ARHGEF40: variants seen among roughly 807,000 people sequenced by gnomAD.
ARHGEF40 encodes Rho guanine nucleotide exchange factor 40.
In ARHGEF40, 98 loss-of-function variants were observed where a neutral mutation model predicts 165.9. The ratio of observed to expected loss-of-function variants is 0.59; its 90% CI spans 0.50 to 0.70. The LOEUF is 0.70. Among genes scored for constraint, ARHGEF40 ranks in the 30% least tolerant of loss-of-function variants. ARHGEF40 has a pLI of 0.00. For synonymous variants in ARHGEF40, 792 were observed against 814.3 expected (o/e 0.97, Z 0.47); for missense variants, 1,815 against 1,968.0 (o/e 0.92, Z 1.47).
At position 21,082,015 on chromosome 14, in the gene ARHGEF40, C is replaced by A; in HGVS notation, c.3147C>A (p.Asp1049Glu). ...AGGTCACCAGCACTGAGGTGGTAGA[C>A]AGGACGTGCTCACCACGGGAACACG... is the stretch of plus-strand genomic sequence containing the variant. ...GLEVTSTEVV[D>E]RTCSPREHVL... The change falls in exon 14 of 24, where the codon GAC becomes GAA. Residue 1049 changes from aspartate to glutamate, a missense_variant. Physicochemically the swap from Asp to Glu is conservative, Grantham distance 45. Transcript: ENST00000298694. 6.4e-7 allele frequency: 1 copy of A among 1,572,716 alleles called. No homozygotes were observed. The highest frequency in any genetic ancestry group is 1.9e-5 in the Admixed American group (1 of 53,426).
At chr14:21,088,926 G>A (rs578009375) in intron 23 of ARHGEF40, 50 bp downstream of exon 23, 1 of 1,571,898 alleles carries the variant, frequency 6.4e-7, no homozygotes, top group Admixed American at 1.7e-5. Context: ...CTACCATCTT[G>A]CATGTACCTT....
chr14:21,067,792 G>A (rs113613240), upstream of ARHGEF40, among the ~76,000 whole-genome samples: 10 of 147,884 alleles, frequency 6.8e-5, no homozygotes, highest in African/African-American at 2.5e-4. Flanking sequence ...ACACTTTTAG[G>A]TAAGAGCCTG....
Position 21,075,445 on chromosome 14 carries a change from G to C in ARHGEF40, c.1564G>C (p.Asp522His), listed in dbSNP as rs1482640402. ...AGAGGCCCTTGCAGTCTCCGTCTCT[G>C]ATCACCCTGATGTAGCTTGGGACTT... ...PEEALAVSVS[D>H]HPDVAWDLMA... is the part of the protein sequence containing the mutation. Residue 522 changes from aspartate to histidine, a missense_variant, in exon 4 of 24, where the codon GAT becomes CAT. Asp to His is a moderately conservative substitution (Grantham distance 81). Transcript: ENST00000298694. This position sits in a 1 kb window ranked among gnomAD's most constrained non-coding sequence, Gnocchi z 4.5. 2.5e-6 allele frequency: 4 copies of C among 1,614,128 alleles called. No individual in the cohort carries two copies. The highest frequency in any genetic ancestry group is 2.2e-5 in the South Asian group (2 of 91,092).
At chr14:21,082,151 C>T (rs753984743) in intron 14 of ARHGEF40, 32 bp downstream of exon 14, 18 of 1,560,684 alleles carry the variant, frequency 1.2e-5, no homozygotes, top group Admixed American at 7.5e-5. Context: ...TGCTAAGAGG[C>T]GGAGCCAACT....
chr14:21,076,429 A>T lies in ARHGEF40; in HGVS notation c.1809A>T (p.Ala603=), dbSNP rs759118363. 1.1e-5 allele frequency: 18 copies of T among 1,613,672 alleles called. No individual in the cohort carries two copies. The highest frequency in any genetic ancestry group is 1.0e-4 in the Admixed American group (6 of 60,010). ...DLRQAPPLPP[A]LIPALSQLQD... ...GTCAGGCACCTCCACTGCCTCCAGC[A>T]CTCATTCCTGCCTTGAGCCAACTTC... Residue 603 remains alanine (A), a synonymous_variant, in exon 6 of 24, where the codon GCA becomes GCT. Transcript: ENST00000298694.
upstream of ARHGEF40, among the ~76,000 whole-genome samples, chr14:21,066,893 A>AT (rs1034949014): frequency 2.0e-5 from 3 of 152,224 alleles, no homozygotes; most frequent in Non-Finnish European, 4.4e-5. Context: ...TATCACACAG[A>AT]TTTTTTACCC....
Position 21,070,730 on chromosome 14 carries a change from C to G in ARHGEF40, c.3+331C>G. 1.5e-6 allele frequency: 2 copies of G among 1,340,786 alleles called. No homozygotes were observed. The highest frequency in any genetic ancestry group is 2.1e-6 in the Non-Finnish European group (2 of 975,310). The allele number at this position is 1,340,786 out of a possible 1,614,324, so 83.1% of individuals were successfully genotyped here. A position where few individuals can be genotyped will look rare whatever the true frequency, so the allele number is the denominator to read the frequency against. Reference sequence around the variant, plus strand: ...CCTTCCTTTCCTGGAGCTTCCCTCCCCCTCCTGGTCCGAGCTCCTTACCCG... The same window carrying G: ...CCTTCCTTTCCTGGAGCTTCCCTCCGCCTCCTGGTCCGAGCTCCTTACCCG... On this transcript the variant is annotated intron_variant, in intron 1 of 23. Coordinates refer to ENST00000298694, the MANE Select transcript of ARHGEF40 (RefSeq NM_018071.5). This position sits in a 1 kb window ranked among gnomAD's most constrained non-coding sequence, Gnocchi z 4.7.
rs756279101 is a variant in ARHGEF40 at position 21,075,156 on chromosome 14, G to A, written c.1426G>A (p.Gly476Arg). 3 of 1,605,984 alleles carry A rather than the reference G, an allele frequency of 1.9e-6. No individual in the cohort carries two copies. The highest frequency in any genetic ancestry group is 2.5e-6 in the Non-Finnish European group (3 of 1,177,120). ...EEGAGERELE[G>R]PGLLCMAGHT... ...GGGGGCCGGAGAGAGAGAGCTGGAG[G>A]GGCCAGGCCTGCTGTGTATGGCAGG... Residue 476 changes from glycine to arginine, a missense_variant, in exon 3 of 24, where the codon GGG (glycine) becomes AGG (arginine). Coordinates refer to ENST00000298694, the MANE Select transcript of ARHGEF40 (RefSeq NM_018071.5). The surrounding 1 kb of genome is among the most constrained non-coding windows in gnomAD (Gnocchi z 4.5).
Position 21,082,017 on chromosome 14 carries a change from G to C in ARHGEF40, c.3149G>C (p.Arg1050Thr), listed in dbSNP as rs755457934. The C allele has an allele frequency of 7.0e-6, 11 of 1,571,994 alleles. No individual in the cohort carries two copies. In the South Asian group the frequency reaches 1.3e-4, roughly 18 times the overall value. The change falls in exon 14 of 24, where the codon AGG becomes ACG. Residue 1050 changes from arginine to threonine, a missense_variant. Coordinates refer to ENST00000298694, the MANE Select transcript of ARHGEF40 (RefSeq NM_018071.5). ...GTCACCAGCACTGAGGTGGTAGACA[G>C]GACGTGCTCACCACGGGAACACGTG... ...LEVTSTEVVD[R>T]TCSPREHVLL...
rs1351602471 is a variant in ARHGEF40, at chr14:21,074,206, C to T, written c.476C>T (p.Thr159Ile). 1 of 1,614,162 alleles carries T rather than the reference C, an allele frequency of 6.2e-7. No homozygotes were observed. The highest frequency in any genetic ancestry group is 1.3e-5 in the African/African-American group (1 of 75,060). Residue 159 changes from threonine to isoleucine, a missense_variant, in exon 3 of 24, where the codon ACA becomes ATA. By Grantham distance (89) the Thr-to-Ile change is moderately conservative. Coordinates refer to ENST00000298694, the MANE Select transcript of ARHGEF40 (RefSeq NM_018071.5). This position sits in a 1 kb window ranked among gnomAD's most constrained non-coding sequence, Gnocchi z 4.8. ...WLQGINKDRP[T>I]GRLSTCLLSA... is the part of the protein sequence containing the mutation. ...CAAGGCATCAACAAGGACCGGCCAA[C>T]AGGTCGCCTCAGTACCTGCCTACTG...
rs770430251 is a variant in ARHGEF40 at position 21,075,377 on chromosome 14, C to T, written c.1496C>T (p.Pro499Leu). Residue 499 changes from proline to leucine, a missense_variant, in exon 4 of 24, where the codon CCG becomes CTG. Physicochemically the swap from Pro to Leu is moderately conservative, Grantham distance 98. Coordinates refer to ENST00000298694, the MANE Select transcript of ARHGEF40 (RefSeq NM_018071.5). The surrounding 1 kb of genome is among the most constrained non-coding windows in gnomAD (Gnocchi z 4.5). ...EGPLSDTPTP[P>L]LETVQEGKGD... is the part of the protein sequence containing the mutation. ...CCCCTGTCTGACACTCCAACACCTC[C>T]GCTGGAGACTGTGCAGGAAGGAAAA... 1.5e-5 allele frequency: 24 copies of T among 1,614,164 alleles called. No individual in the cohort carries two copies. Among genetic ancestry groups the T allele is most frequent in the Non-Finnish European group, 1.9e-5 (22 of 1,180,034 alleles).
At position 21,070,312 on chromosome 14, in the gene ARHGEF40, C is replaced by A; in HGVS notation, c.-85C>A. ...GGAGCTGTCCCTTAGCCAGACCCGG[C>A]GAGACACGAGCGGCGGGAGGGAGGC... is the stretch of plus-strand genomic sequence containing the variant. On this transcript the variant is annotated 5_prime_UTR_variant, in exon 1 of 24. Coordinates refer to ENST00000298694, the MANE Select transcript of ARHGEF40 (RefSeq NM_018071.5). This position sits in a 1 kb window ranked among gnomAD's most constrained non-coding sequence, Gnocchi z 4.7. 7.3e-7 allele frequency: 1 copy of A among 1,370,010 alleles called. No homozygotes were observed. The highest frequency in any genetic ancestry group is 9.4e-7 in the Non-Finnish European group (1 of 1,060,250). The allele number at this position is 1,370,010 out of a possible 1,614,324, so 84.9% of individuals were successfully genotyped here.
chr14:21,075,715 C>T lies in ARHGEF40; in HGVS notation c.1689C>T (p.Pro563=). The change falls in exon 5 of 24, where the codon CCC becomes CCT. Residue 563 remains proline (P), a synonymous_variant. Coordinates refer to ENST00000298694, the MANE Select transcript of ARHGEF40 (RefSeq NM_018071.5). The surrounding 1 kb of genome is among the most constrained non-coding windows in gnomAD (Gnocchi z 4.5). ...TPPCPPEEPP[P]SRDTLNTTLH... is the part of the protein sequence containing the mutation. Reference sequence around the variant, plus strand: ...CGTGCCCTCCTGAGGAGCCCCCACCCTCCCGAGACACGCTGAACACAACTC... The same window carrying T: ...CGTGCCCTCCTGAGGAGCCCCCACCTTCCCGAGACACGCTGAACACAACTC... 6.2e-7 allele frequency: 1 copy of T among 1,613,824 alleles called. No individual in the cohort carries two copies. Among genetic ancestry groups the T allele is most frequent in the Non-Finnish European group, 8.5e-7 (1 of 1,180,004 alleles).
intron 17 of ARHGEF40, among the ~76,000 whole-genome samples, chr14:21,084,446 T>TCC (rs1376114068): frequency 6.6e-6 from 1 of 152,224 alleles, no homozygotes; most frequent in Non-Finnish European, 1.5e-5. Flanking sequence ...AATAGACCTA[T>TCC]TTCCCTTTCA....
upstream of ARHGEF40, among the ~76,000 whole-genome samples, chr14:21,069,128 G>T (rs1299598221): frequency 6.6e-6 from 1 of 152,212 alleles, no homozygotes; most frequent in East Asian, 1.9e-4. Context: ...TCACGGAGCT[G>T]CGGGGCTTCC....
At chr14:21,061,271 A>G in the ARHGEF40 span, among the ~76,000 whole-genome samples, 4 of 152,214 alleles carry the variant, frequency 2.6e-5, no homozygotes, top group Non-Finnish European at 2.9e-5. Flanking sequence ...ACCATTCAAT[A>G]TCTGTAAGAG....
chr14:21,075,198 G>A lies in ARHGEF40; in HGVS notation c.1450+18G>A. The A allele has an allele frequency of 3.8e-6, 6 of 1,584,634 alleles. No homozygotes were observed. Among genetic ancestry groups the A allele is most frequent in the Non-Finnish European group, 5.1e-6 (6 of 1,166,344 alleles). ...TATGGCAGGTGAGATGACACGGAGT[G>A]AGGCTCATGGGGCAAGGGCCAAAGC... On this transcript the variant is annotated intron_variant, in intron 3 of 23. Transcript: ENST00000298694. The surrounding 1 kb of genome is among the most constrained non-coding windows in gnomAD (Gnocchi z 4.5).
In ARHGEF40 at chr14:21,085,727, CG is replaced by C; in HGVS notation, c.4001del (p.Gly1334AspfsTer74). The C allele has an allele frequency of 6.2e-7, 1 of 1,614,144 alleles. No homozygotes were observed. The highest frequency in any genetic ancestry group is 8.5e-7 in the Non-Finnish European group (1 of 1,180,046). ...MGLTENIGDS[G>X]LCFELWFRRR... Reference sequence around the variant, plus strand: ...GGCTGACAGAAAACATCGGGGACAGCGGACTCTGCTTTGAGTTGTGGTTTCG... The same window carrying C: ...GGCTGACAGAAAACATCGGGGACAGCGACTCTGCTTTGAGTTGTGGTTTCG... On this transcript the variant is annotated frameshift_variant, in exon 19 of 24. Coordinates refer to ENST00000298694, the MANE Select transcript of ARHGEF40 (RefSeq NM_018071.5). LOFTEE classifies it high-confidence loss of function.
At chr14:21,081,227 T>G (rs909405403) in intron 13 of ARHGEF40, 2 of 864,958 alleles carry the variant, frequency 2.3e-6, no homozygotes, top group African/African-American at 3.4e-5. Context: ...ACAGGGCTGC[T>G]GTGGGGATTA....
Sources: gnomAD v4.1 joint callset for allele counts (sites outside exome capture counted in the v4.1 genomes callset) on GRCh38, gnomAD v4.1.1 for gene constraint, Gnocchi (gnomAD v3.1) non-coding constraint, MANE v1.5 for transcripts, NCBI Gene and HGNC (gene_info 2026-07-23, HGNC 2026-07-21) for gene names.